SIPA1L1: variants seen among roughly 807,000 people sequenced by gnomAD.
The protein encoded by SIPA1L1 is signal induced proliferation associated 1 like 1.
In SIPA1L1, 26 loss-of-function variants were observed where a neutral mutation model predicts 162.7. The ratio of observed to expected loss-of-function variants is 0.16; its 90% CI spans 0.12 to 0.22. The LOEUF (loss-of-function observed/expected upper bound fraction) is 0.22. Ranked by LOEUF, SIPA1L1 falls within the 10% of genes least tolerant of loss-of-function variation. The pLI is 1.00. For synonymous variants in SIPA1L1, 829 were observed against 837.4 expected, an observed-to-expected ratio of 0.99 and a Z score of 0.17; for missense variants, 1,874 against 2,241.0, an observed-to-expected ratio of 0.84 and a Z score of 3.31.
At chr14:71,569,409 C>T (rs962692115) in intron 4 of SIPA1L1, among the ~76,000 whole-genome samples, 4 of 152,136 alleles carry the variant, frequency 2.6e-5, no homozygotes, top group Non-Finnish European at 5.9e-5. Flanking sequence ...CTTTCCCTAA[C>T]CATAGTGTAA....
At chr14:71,678,959 A>G (rs2045506635) in intron 12 of SIPA1L1, among the ~76,000 whole-genome samples, 1 of 152,140 alleles carries the variant, frequency 6.6e-6, no homozygotes, top group African/African-American at 2.4e-5. Flanking sequence ...TCTACGTCTG[A>G]TTGGTGTACC....
intron 13 of SIPA1L1, among the ~76,000 whole-genome samples, chr14:71,691,872 A>G (rs1400308869): frequency 1.3e-5 from 2 of 152,120 alleles, no homozygotes; most frequent in Non-Finnish European, 2.9e-5. Flanking sequence ...TTACCACCAC[A>G]TGGCTTCTTC....
At chr14:71,485,450 A>T (rs948906203) in intron 2 of SIPA1L1, among the ~76,000 whole-genome samples, 3 of 152,092 alleles carry the variant, frequency 2.0e-5, no homozygotes, top group African/African-American at 7.2e-5. Context: ...CAGTGGTGGC[A>T]TTAGATTCTT....
intron 5 of SIPA1L1, among the ~76,000 whole-genome samples, chr14:71,606,593 A>G (rs1004570532): frequency 4.6e-5 from 7 of 151,918 alleles, no homozygotes; most frequent in Non-Finnish European, 8.8e-5. Context: ...GCATCTCCTT[A>G]TGTTTGTTTC....
At chr14:71,409,738 A>C (rs1386670516) in intron 2 of SIPA1L1, among the ~76,000 whole-genome samples, 1 of 152,224 alleles carries the variant, frequency 6.6e-6, no homozygotes, top group Non-Finnish European at 1.5e-5. Flanking sequence ...TCTGGGAGTG[A>C]TAGGCCATCA....
At chr14:71,700,994 C>CAAAAAAAAAAAAAAAAAAAAAA (rs539293669) in intron 14 of SIPA1L1, among the ~76,000 whole-genome samples, 1 of 51,736 alleles carries the variant, frequency 1.9e-5, no homozygotes, top group Non-Finnish European at 3.4e-5. Flanking sequence ...GACTCCGTCT[C>CAAAAAAAAAAAAAAAAAAAAAA]AAAAAAAAAA....
chr14:71,535,236 G>A (rs1229128481), intron 4 of SIPA1L1, among the ~76,000 whole-genome samples: 1 of 152,184 alleles, frequency 6.6e-6, no homozygotes, highest in African/African-American at 2.4e-5. Context: ...TGTATGGTGT[G>A]TGTTAGACTT....
intron 7 of SIPA1L1, among the ~76,000 whole-genome samples, chr14:71,626,720 C>T (rs1032375810): frequency 6.6e-6 from 1 of 152,132 alleles, no homozygotes; most frequent in Non-Finnish European, 1.5e-5. Flanking sequence ...AAACTGGACT[C>T]ATCAGAAGGA....
rs755109289 is a variant in SIPA1L1 at position 71,709,238 on chromosome 14, C to T, written c.3782C>T (p.Ser1261Leu). Residue 1261 changes from serine (S) to leucine (L), a missense_variant, in exon 17 of 24, where the codon TCG (serine) becomes TTG (leucine). Coordinates refer to ENST00000381232, the MANE Select transcript of SIPA1L1 (RefSeq NM_001386936.1). ...CTCTTGCAGTCTGATAGCCACTACTCGAGCCACTCCAGTAGCAATACTCTC... is the reference window on the plus strand; with the variant it reads ...CTCTTGCAGTCTGATAGCCACTACTTGAGCCACTCCAGTAGCAATACTCTC... ...NKQGHSDSHY[S>L]SHSSSNTLSS... 1.2e-5 allele frequency: 20 copies of T among 1,612,122 alleles called. No homozygotes were observed. The highest frequency in any genetic ancestry group is 2.2e-5 in the East Asian group (1 of 44,834).
At chr14:71,418,729 A>G (rs1264225574) in intron 2 of SIPA1L1, among the ~76,000 whole-genome samples, 5 of 152,180 alleles carry the variant, frequency 3.3e-5, no homozygotes, top group African/African-American at 7.2e-5. Context: ...TATTTTATAT[A>G]TAAGAGGAAG....
At position 71,371,620 on chromosome 14, in the gene SIPA1L1, C is replaced by A. The variant is rs529820269; in HGVS notation, c.-465+50439C>A. 3.9e-5 allele frequency among the ~76,000 whole-genome samples: 6 copies of A among 152,148 alleles called. No individual in the cohort carries two copies. The South Asian group carries it at 1.2e-3, about 32-fold the overall frequency. ...TCACCCTGTTGTCCAGGCTGGTCTT[C>A]AGCTCCTGAGCTCAAGTGATCCACC... On this transcript the variant is annotated intron_variant, in intron 2 of 23. Coordinates refer to ENST00000381232, the MANE Select transcript of SIPA1L1 (RefSeq NM_001386936.1).
At position 71,658,375 on chromosome 14, in the gene SIPA1L1, A is replaced by G. The variant is rs148445366; in HGVS notation, c.2036A>G (p.Asp679Gly). 297 of 1,612,594 alleles carry G rather than the reference A, an allele frequency of 1.8e-4. 1 individual carries two copies. Among genetic ancestry groups the G allele is most frequent in the Non-Finnish European group, 2.4e-4 (286 of 1,178,662 alleles). The stretch of plus-strand genomic sequence containing the variant: ...CATTCTCTGTACACAACATACAAAG[A>G]TTATGAAATTATGTTCCATGTTTCT... Reference protein sequence around the residue: ...GTHSLYTTYKDYEIMFHVSTM... With the variant: ...GTHSLYTTYKGYEIMFHVSTM... Residue 679 changes from aspartate (D) to glycine (G), a missense_variant, in exon 9 of 24, where the codon GAT becomes GGT. Around this residue, in one of 5 missense-constraint regions of SIPA1L1, gnomAD observed 685 missense variants for 828.0 expected, o/e 0.83. Transcript: ENST00000381232.
At chr14:71,672,887 G>A (rs1400061960) in intron 12 of SIPA1L1, among the ~76,000 whole-genome samples, 3 of 152,330 alleles carry the variant, frequency 2.0e-5, no homozygotes, top group East Asian at 3.9e-4. Context: ...AGATAGAGAA[G>A]TCTGGTAATA....
At chr14:71,500,852 C>A (rs1475919397) in intron 2 of SIPA1L1, among the ~76,000 whole-genome samples, 1 of 151,798 alleles carries the variant, frequency 6.6e-6, no homozygotes, top group African/African-American at 2.4e-5. Flanking sequence ...ACTAAAAATA[C>A]AAAATTAGCT....
intron 13 of SIPA1L1, among the ~76,000 whole-genome samples, chr14:71,697,307 C>T (rs1255490191): frequency 6.6e-6 from 1 of 152,124 alleles, no homozygotes; most frequent in Non-Finnish European, 1.5e-5. Flanking sequence ...TTATCAGGAC[C>T]AGCACCAGGT....
chr14:71,538,277 T>A (rs1286153540), intron 4 of SIPA1L1, among the ~76,000 whole-genome samples: 1 of 151,580 alleles, frequency 6.6e-6, no homozygotes, highest in Non-Finnish European at 1.5e-5. Context: ...TATTCTTACT[T>A]TTTTTTTTCT....
Position 71,632,344 on chromosome 14 carries a change from A to C in SIPA1L1, c.1818+8108A>C, listed in dbSNP as rs1027833441. On this transcript the variant is annotated intron_variant, in intron 7 of 23. Transcript: ENST00000381232. ...GGAAATGCCTATAGGCACAGCCAAA[A>C]TGTCCCCCAAATGTCTGTTCTTTTT... 3.0e-4 allele frequency among the ~76,000 whole-genome samples: 46 copies of C among 152,330 alleles called. 1 individual carries two copies. The highest frequency in any genetic ancestry group is 3.4e-3 in the Middle Eastern group (1 of 294).
chr14:71,671,844 T>G, intron 11 of SIPA1L1, 152 bp downstream of exon 11: 1 of 640,124 alleles, frequency 1.6e-6, no homozygotes. Context: ...ATCTCATGCT[T>G]GTGTTTTCCA....
rs139982852 is a variant in SIPA1L1 at position 71,588,725 on chromosome 14, C to T, written c.853C>T (p.Arg285Cys). ...FKEREKPLKRRSKSETGDSSI... is the reference protein window; with the variant it reads ...FKEREKPLKRCSKSETGDSSI... ...GGAAAGGGAAAAACCACTCAAGCGA[C>T]GTTCAAAATCTGAAACTGGAGACTC... Residue 285 changes from arginine (R) to cysteine (C), a missense_variant, in exon 5 of 24, where the codon CGT (arginine) becomes TGT (cysteine). Arg to Cys is a radical substitution (Grantham distance 180, BLOSUM62 -3). Coordinates refer to ENST00000381232, the MANE Select transcript of SIPA1L1 (RefSeq NM_001386936.1). This position sits in a 1 kb window ranked among gnomAD's most constrained non-coding sequence, Gnocchi z 4.3. The T allele has an allele frequency of 2.5e-5, 40 of 1,613,868 alleles. No individual in the cohort carries two copies. Among genetic ancestry groups the T allele is most frequent in the Admixed American group, 3.3e-5 (2 of 59,986 alleles).
Sources: gnomAD v4.1 joint callset for allele counts (sites outside exome capture counted in the v4.1 genomes callset) on GRCh38, gnomAD v4.1.1 for gene constraint, gnomAD v4.1.1 regional missense constraint, Gnocchi (gnomAD v3.1) non-coding constraint, MANE v1.5 for transcripts, NCBI Gene and HGNC (gene_info 2026-07-23, HGNC 2026-07-21) for gene names.